ZFHX4: variants seen among roughly 807,000 people sequenced by gnomAD.
The protein encoded by ZFHX4 is zinc finger homeobox protein 4.
In ZFHX4, 56 loss-of-function variants were observed where a neutral mutation model predicts 267.6. That is an observed-to-expected ratio of 0.21 (90% CI 0.17 to 0.26). The LOEUF (loss-of-function observed/expected upper bound fraction) is 0.26. Among genes scored for constraint, ZFHX4 ranks in the 10% least tolerant of loss-of-function variants. The pLI, the probability that ZFHX4 is intolerant of heterozygous loss-of-function variation, is 1.00. For synonymous variants in ZFHX4, 1,778 were observed against 1,665.6 expected, an observed-to-expected ratio of 1.07 and a Z score of -1.64; for missense variants, 4,332 against 4,420.0, an observed-to-expected ratio of 0.98 and a Z score of 0.56.
At position 76,704,879 on chromosome 8, in the gene ZFHX4, A is replaced by G. The variant is rs758031067; in HGVS notation, c.791A>G (p.Lys264Arg). 1.9e-6 allele frequency: 3 copies of G among 1,614,202 alleles called. No individual in the cohort carries two copies. The South Asian group carries it at 3.3e-5, about 18-fold the overall frequency. Residue 264 changes from lysine to arginine, a missense_variant, in exon 2 of 11, where the codon AAA becomes AGA. By Grantham distance (26) the Lys-to-Arg change is conservative. This residue lies in a region of ZFHX4 where 1,195 missense variants were observed against 1,173.6 expected (regional missense o/e 1.02). Transcript: ENST00000651372. ...GTCCCTAACAATGTGGACTTGTCCAAATTCGATGGTTGTGTTAGCGATGGG... is the reference window on the plus strand; with the variant it reads ...GTCCCTAACAATGTGGACTTGTCCAGATTCGATGGTTGTGTTAGCGATGGG... Reference protein sequence around the residue: ...KDVPNNVDLSKFDGCVSDGKR... With the variant: ...KDVPNNVDLSRFDGCVSDGKR...
intron 5 of ZFHX4, among the ~76,000 whole-genome samples, chr8:76,836,721 G>A (rs1386633743): frequency 6.6e-6 from 1 of 151,892 alleles, no homozygotes; most frequent in Non-Finnish European, 1.5e-5. Flanking sequence ...CTATGACAAG[G>A]TTCAAGCAGA....
chr8:76,834,275 T>G (rs1319983817), intron 5 of ZFHX4: 1 of 255,908 alleles, frequency 3.9e-6, no homozygotes, highest in Non-Finnish European at 8.1e-6. Context: ...CTAGATTGTA[T>G]GATAAGAGCA....
At chr8:76,695,071 A>AT (rs1170648702) in intron 1 of ZFHX4, among the ~76,000 whole-genome samples, 1 of 151,974 alleles carries the variant, frequency 6.6e-6, no homozygotes, top group African/African-American at 2.4e-5. Context: ...AAATATTGGG[A>AT]TTAGCCAACA....
chr8:76,730,133 A>G (rs756867448), intron 3 of ZFHX4, among the ~76,000 whole-genome samples: 2 of 152,200 alleles, frequency 1.3e-5, no homozygotes, highest in Non-Finnish European at 2.9e-5. Context: ...TTGAATCAGA[A>G]GGACAAAGGA....
At chr8:76,781,116 G>A (rs1810535467) in intron 4 of ZFHX4, among the ~76,000 whole-genome samples, 1 of 152,028 alleles carries the variant, frequency 6.6e-6, no homozygotes, top group Non-Finnish European at 1.5e-5. Flanking sequence ...GACATCTGTT[G>A]TTGCTAAGAT....
At chr8:76,696,684 C>T (rs1807966329) in intron 1 of ZFHX4, among the ~76,000 whole-genome samples, 1 of 150,182 alleles carries the variant, frequency 6.7e-6, no homozygotes. Context: ...AAAGGCTCTT[C>T]ATAATAGCAA....
Position 76,864,066 on chromosome 8 carries a change from C to T in ZFHX4, c.10352C>T (p.Ala3451Val), listed in dbSNP as rs1223986614. ...RVPVSKYQCL[A>V]CDVAISGNEA... ...CCAGTCAGCAAATATCAGTGTCTTGCCTGTGATGTGGCTATCAGTGGGAAT... is the reference window on the plus strand; with the variant it reads ...CCAGTCAGCAAATATCAGTGTCTTGTCTGTGATGTGGCTATCAGTGGGAAT... Residue 3451 changes from alanine (A) to valine (V), a missense_variant, in exon 11 of 11, where the codon GCC (alanine) becomes GTC (valine). Physicochemically the swap from Ala to Val is moderately conservative, Grantham distance 64 (BLOSUM62 0). Transcript: ENST00000651372. 1 of 1,613,846 alleles carries T rather than the reference C, an allele frequency of 6.2e-7. No homozygotes were observed.
intron 3 of ZFHX4, among the ~76,000 whole-genome samples, chr8:76,727,882 C>A (rs1480071600): frequency 2.6e-5 from 4 of 152,156 alleles, no homozygotes; most frequent in Non-Finnish European, 4.4e-5. Flanking sequence ...CAGGATTAGA[C>A]AGCTAGCGGT....
chr8:76,760,928 C>CAAA (rs771069673), intron 3 of ZFHX4, among the ~76,000 whole-genome samples: 971 of 63,760 alleles, frequency 0.015, 29 homozygotes, highest in African/African-American at 0.04. Context: ...GACCCTGCCT[C>CAAA]AAAAAAAAAA....
intron 3 of ZFHX4, among the ~76,000 whole-genome samples, chr8:76,747,526 A>C (rs1809491352): frequency 6.6e-6 from 1 of 152,184 alleles, no homozygotes; most frequent in Non-Finnish European, 1.5e-5. Context: ...CACTATTAAA[A>C]TAATGTGACT....
At chr8:76,805,049 A>G (rs1430856343) in intron 4 of ZFHX4, among the ~76,000 whole-genome samples, 2 of 152,212 alleles carry the variant, frequency 1.3e-5, no homozygotes, top group Admixed American at 1.3e-4. Flanking sequence ...TCAATATTAA[A>G]AAGAGAAGAT....
intron 4 of ZFHX4, among the ~76,000 whole-genome samples, chr8:76,781,513 T>A (rs1810546119): frequency 6.6e-6 from 1 of 152,048 alleles, no homozygotes; most frequent in South Asian, 2.1e-4. Context: ...AGAAAAACAA[T>A]ACAAGCCTGG....
At chr8:76,715,399 T>C (rs1808538726) in intron 3 of ZFHX4, among the ~76,000 whole-genome samples, 1 of 150,112 alleles carries the variant, frequency 6.7e-6, no homozygotes, top group Non-Finnish European at 1.5e-5. Flanking sequence ...GGAGAATTTC[T>C]TGAACCCAGG....
chr8:76,794,664 C>T, intron 4 of ZFHX4, among the ~76,000 whole-genome samples: 1 of 152,116 alleles, frequency 6.6e-6, no homozygotes, highest in East Asian at 1.9e-4. Flanking sequence ...CAACATTCTC[C>T]TTTCACTTTT....
In ZFHX4 at chr8:76,854,253, CCAGCCACAGCCA is replaced by C. The variant is rs745775400; in HGVS notation, c.7346_7357del (p.Gln2449_Pro2452del). On this transcript the variant is annotated inframe_deletion, in exon 10 of 11. Transcript: ENST00000651372. ...CGGACCCACCACAGGCATCCACAGC[CCAGCCACAGCCA>C]CAGCCACAGCCACCAAAACAACCCC... The C allele has an allele frequency of 2.6e-5, 41 of 1,575,024 alleles. 1 individual carries two copies. Among genetic ancestry groups the C allele is most frequent in the South Asian group, 4.6e-5 (4 of 87,210 alleles).
rs752935388 is a variant in ZFHX4, at chr8:76,854,646, T to C, written c.7725T>C (p.Ala2575=). 6.2e-7 allele frequency: 1 copy of C among 1,613,784 alleles called. No homozygotes were observed. The highest frequency in any genetic ancestry group is 1.1e-5 in the South Asian group (1 of 91,076). Residue 2575 remains alanine (A), a synonymous_variant, in exon 10 of 11, where the codon GCT becomes GCC. Transcript: ENST00000651372. ...ACACCACAGCCCCCACAACGGTTGC[T>C]GCTTCCCTAAAAAGGAAACTAGACG... is the stretch of plus-strand genomic sequence containing the variant. ...SSHTTAPTTV[A]ASLKRKLDDK...
At chr8:76,811,305 T>C (rs1811372204) in intron 4 of ZFHX4, among the ~76,000 whole-genome samples, 1 of 152,192 alleles carries the variant, frequency 6.6e-6, no homozygotes, top group African/African-American at 2.4e-5. Flanking sequence ...TAGGAAATCT[T>C]CACGAAGGAT....
chr8:76,713,927 G>A (rs951346259), intron 3 of ZFHX4, among the ~76,000 whole-genome samples: 1 of 151,074 alleles, frequency 6.6e-6, no homozygotes, highest in Non-Finnish European at 1.5e-5. Flanking sequence ...CCACCGCCAC[G>A]TACCACCACC....
chr8:76,721,876 G>A (rs1456597307), intron 3 of ZFHX4, among the ~76,000 whole-genome samples: 2 of 152,020 alleles, frequency 1.3e-5, no homozygotes, highest in African/African-American at 2.4e-5. Context: ...TGATTTTTAT[G>A]TTTTCATAAT....
Sources: allele counts gnomAD v4.1 joint callset (sites outside exome capture counted in the v4.1 genomes callset), GRCh38; gene constraint gnomAD v4.1.1; regional missense constraint gnomAD v4.1.1; transcripts MANE v1.5; gene names NCBI Gene and HGNC (gene_info 2026-07-23, HGNC 2026-07-21).